USP48: variants seen among roughly 807,000 people sequenced by gnomAD.
The protein encoded by USP48 is ubiquitin specific peptidase 48.
Under a neutral mutation model 150.7 loss-of-function variants are expected in USP48, and 43 were observed. The observed-to-expected ratio is 0.29, with a 90% confidence interval of 0.22 to 0.37. The LOEUF is 0.37. USP48 is among the 10% of genes least tolerant of loss of function. The probability of loss-of-function intolerance (pLI) is 1.00; values close to 1 mark genes in which losing one functional copy is unlikely to be tolerated. For synonymous variants in USP48, 396 were observed against 425.9 expected, an observed-to-expected ratio of 0.93 and a Z score of 0.86; for missense variants, 813 against 1,249.6, an observed-to-expected ratio of 0.65 and a Z score of 5.27.
chr1:21,747,023 A>G (rs536378376), intron 8 of USP48, 44 bp downstream of exon 8: 77 of 1,423,550 alleles, frequency 5.4e-5, no homozygotes, highest in Non-Finnish European at 6.8e-5. Flanking sequence ...CACAAGTTAG[A>G]GTCTCTGAGC....
intron 8 of USP48, among the ~76,000 whole-genome samples, chr1:21,745,998 T>A (rs1185007758): frequency 6.6e-6 from 1 of 152,226 alleles, no homozygotes; most frequent in African/African-American, 2.4e-5. Context: ...AAGAGTATCA[T>A]ACATTTGAAA....
intron 11 of USP48, chr1:21,727,991 A>C: frequency 1.0e-6 from 1 of 985,456 alleles, no homozygotes; most frequent in Non-Finnish European, 1.2e-6. Context: ...AAAAAGGCTT[A>C]ATTTGGTTTC....
At chr1:21,724,791 GT>G (rs2097731910) in intron 11 of USP48, 1 of 152,146 alleles carries the variant, frequency 6.6e-6, no homozygotes, top group Non-Finnish European at 1.5e-5. Flanking sequence ...CAATTTTGAA[GT>G]TGCAAAAATT....
At position 21,679,092 on chromosome 1, in the gene USP48, C is replaced by T. The variant is rs192015805; in HGVS notation, c.*325G>A. ...CAAGGAAATATAACAGAACTTTATT[C>T]CCCTCCCACGACTATAAATCTCATA... is the stretch of plus-strand genomic sequence containing the variant. On this transcript the variant is annotated 3_prime_UTR_variant, in exon 27 of 27. Coordinates refer to ENST00000308271, the MANE Select transcript of USP48 (RefSeq NM_032236.8). 3.1e-3 allele frequency: 1,273 copies of T among 413,544 alleles called. 4 individuals carry two copies. The highest frequency in any genetic ancestry group is 5.6e-3 in the Middle Eastern group (8 of 1,424). 25.6% of individuals were successfully genotyped at this position (413,544 alleles called of 1,614,324 possible). A position where few individuals can be genotyped will look rare whatever the true frequency, so the allele number is the denominator to read the frequency against.
chr1:21,701,594 C>T lies in USP48; in HGVS notation c.2631G>A (p.Lys877=). The change falls in exon 22 of 27, where the codon AAG becomes AAA. Residue 877 remains lysine (K), a synonymous_variant. Transcript: ENST00000308271. ...HKVVDNKKVM[K]DSAPELNVSS... ...TCACATTCAGTTCCGGAGCCGAATCCTTCATCACCTGAATGTGCCAGGACA... is the reference window on the plus strand; with the variant it reads ...TCACATTCAGTTCCGGAGCCGAATCTTTCATCACCTGAATGTGCCAGGACA... 1.2e-6 allele frequency: 2 copies of T among 1,613,592 alleles called. No homozygotes were observed. Among genetic ancestry groups the T allele is most frequent in the Non-Finnish European group, 1.7e-6 (2 of 1,179,654 alleles).
At chr1:21,782,381 CCA>C (rs1238105156) in intron 1 of USP48, among the ~76,000 whole-genome samples, 4 of 152,008 alleles carry the variant, frequency 2.6e-5, no homozygotes, top group African/African-American at 7.2e-5. Context: ...CGTAGGCTGA[CCA>C]CAGTTTTTTC....
At chr1:21,770,919 T>C (rs111337019) in intron 1 of USP48, among the ~76,000 whole-genome samples, 11,553 of 151,640 alleles carry the variant, frequency 0.076, 495 homozygotes, top group Middle Eastern at 0.11. Flanking sequence ...GGCCCGGAGT[T>C]GAAGACCAGC....
At chr1:21,729,153 C>T (rs925049933) in intron 10 of USP48, among the ~76,000 whole-genome samples, 1 of 151,896 alleles carries the variant, frequency 6.6e-6, no homozygotes, top group Non-Finnish European at 1.5e-5. Context: ...CGTGGTGGCA[C>T]GCACCTGTAA....
Position 21,723,965 on chromosome 1 carries a change from C to A in USP48, c.1581G>T (p.Met527Ile). 6.2e-7 allele frequency: 1 copy of A among 1,614,124 alleles called. No individual in the cohort carries two copies. ...DKLHPDKISI[M>I]KRISEYAADI... ...CAGCTGCATATTCAGATATCCTCTT[C>A]ATAATTGATATTTTATCCGGGTGAA... Residue 527 changes from methionine to isoleucine, a missense_variant, in exon 12 of 27, where the codon ATG becomes ATT. Physicochemically the swap from Met to Ile is conservative, Grantham distance 10. Transcript: ENST00000308271.
At chr1:21,745,304 CATTT>C (rs1389210843) in intron 8 of USP48, among the ~76,000 whole-genome samples, 1 of 151,854 alleles carries the variant, frequency 6.6e-6, no homozygotes, top group Non-Finnish European at 1.5e-5. Flanking sequence ...TTTATTCATT[CATTT>C]ATTTAAAAAT....
intron 8 of USP48, among the ~76,000 whole-genome samples, chr1:21,739,518 CAAAAAAAAAAAAAAAA>C (rs61410306): frequency 1.5e-4 from 10 of 66,322 alleles, no homozygotes; most frequent in Middle Eastern, 0.013. Flanking sequence ...GACTCCGTCT[CAAAAAAAAAAAAAAAA>C]AAAAAAAAAA....
chr1:21,706,459 C>A lies in USP48; in HGVS notation c.2211+8G>T, dbSNP rs1557459353. The A allele has an allele frequency of 1.2e-6, 2 of 1,613,982 alleles. No individual in the cohort carries two copies. The highest frequency in any genetic ancestry group is 1.1e-5 in the South Asian group (1 of 91,068). ...GATGCATTCTTTCTTTTGTGGGAAT[C>A]ATTATACCTCTGGCCAGTTACTGAG... is the stretch of plus-strand genomic sequence containing the variant. On this transcript the variant is annotated splice_region_variant and intron_variant, in intron 17 of 26. Coordinates refer to ENST00000308271, the MANE Select transcript of USP48 (RefSeq NM_032236.8).
At chr1:21,696,387 G>A (rs770018334) in intron 22 of USP48, among the ~76,000 whole-genome samples, 2 of 152,190 alleles carry the variant, frequency 1.3e-5, no homozygotes, top group African/African-American at 4.8e-5. Flanking sequence ...GCGGTGAGCC[G>A]AGATTGCGCC....
chr1:21,681,267 A>C (rs758450541), intron 25 of USP48: 15 of 153,056 alleles, frequency 9.8e-5, no homozygotes, highest in Non-Finnish European at 1.9e-4. Context: ...AATTTTATTT[A>C]CTTTTTTTTT....
intron 25 of USP48, among the ~76,000 whole-genome samples, chr1:21,685,219 T>C (rs2097577431): frequency 6.6e-6 from 1 of 152,190 alleles, no homozygotes; most frequent in Non-Finnish European, 1.5e-5. Context: ...CTTACATTAG[T>C]GTTTTGTAGT....
At chr1:21,778,386 A>G (rs1416164574) in intron 1 of USP48, among the ~76,000 whole-genome samples, 2 of 152,134 alleles carry the variant, frequency 1.3e-5, no homozygotes, top group Non-Finnish European at 2.9e-5. Context: ...TAACAAGTAT[A>G]GGGACATAGA....
chr1:21,742,001 T>A (rs1193296729), intron 8 of USP48, among the ~76,000 whole-genome samples: 1 of 152,002 alleles, frequency 6.6e-6, no homozygotes, highest in Non-Finnish European at 1.5e-5. Flanking sequence ...TGTCGATTGC[T>A]TAATGTTTTG....
chr1:21,753,584 T>G (rs61777160), intron 3 of USP48, among the ~76,000 whole-genome samples: 10,601 of 152,026 alleles, frequency 0.07, 537 homozygotes, highest in East Asian at 0.22. Flanking sequence ...CCCCGCACTT[T>G]GGGAGGCAGA....
intron 15 of USP48, among the ~76,000 whole-genome samples, chr1:21,711,350 G>A (rs945622311): frequency 1.3e-5 from 2 of 152,126 alleles, no homozygotes; most frequent in Non-Finnish European, 2.9e-5. Flanking sequence ...TAAGAAGTAT[G>A]TAGTTAGATG....
Sources: gnomAD v4.1 joint callset for allele counts (sites outside exome capture counted in the v4.1 genomes callset) on GRCh38, gnomAD v4.1.1 for gene constraint, MANE v1.5 for transcripts, NCBI Gene and HGNC (gene_info 2026-07-23, HGNC 2026-07-21) for gene names.